KCNK10: variants seen among roughly 807,000 people sequenced by gnomAD.
KCNK10 encodes potassium two pore domain channel subfamily K member 10.
In KCNK10, 25 loss-of-function variants were observed where a neutral mutation model predicts 47.7. That is an observed-to-expected ratio of 0.52 (90% CI 0.38 to 0.73). The LOEUF (loss-of-function observed/expected upper bound fraction) is 0.73, where lower values mean the gene tolerates loss of function less well. KCNK10 is among the 30% of genes least tolerant of loss of function. The pLI is 0.00. For missense variants in KCNK10, 563 were observed against 714.5 expected (o/e 0.79, Z 2.42); for synonymous variants, 303 against 285.6 (o/e 1.06, Z -0.61).
intron 1 of KCNK10, among the ~76,000 whole-genome samples, chr14:88,277,411 C>A (rs1279714670): frequency 6.6e-6 from 1 of 152,192 alleles, no homozygotes; most frequent in Admixed American, 6.5e-5. Flanking sequence ...ACATCAGCAA[C>A]ATTTCTGTGA....
chr14:88,192,768 C>T (rs1032193637), intron 4 of KCNK10, among the ~76,000 whole-genome samples: 63 of 152,226 alleles, frequency 4.1e-4, no homozygotes, highest in African/African-American at 1.5e-3. Context: ...CCCAAAAATG[C>T]TACCATTTGT....
chr14:88,305,324 TA>T (rs900530715), intron 1 of KCNK10, among the ~76,000 whole-genome samples: 3 of 152,164 alleles, frequency 2.0e-5, no homozygotes, highest in African/African-American at 7.2e-5. Context: ...AGCAACTTTA[TA>T]AAACACAAGA....
chr14:88,197,572 TAAAAAAAAAAAAAAAAAAAAAAAAAA>T (rs71417717), intron 4 of KCNK10, among the ~76,000 whole-genome samples: 2 of 17,142 alleles, frequency 1.2e-4, no homozygotes, highest in East Asian at 2.4e-3. Flanking sequence ...AGACTCCGAC[TAAAAAAAAAAAAAAAAAAAAAAAAAA>T]AAAAAAAAAA....
intron 1 of KCNK10, among the ~76,000 whole-genome samples, chr14:88,298,566 A>C (rs1324875212): frequency 6.6e-6 from 1 of 152,186 alleles, no homozygotes; most frequent in Admixed American, 6.5e-5. Context: ...GTGGGTCCTC[A>C]GCCCTCTCAG....
intron 5 of KCNK10, 145 bp from the exon 6 acceptor site, chr14:88,188,254 G>T: frequency 1.0e-6 from 1 of 964,532 alleles, no homozygotes; most frequent in Non-Finnish European, 1.6e-6. Context: ...GTGGACCGGG[G>T]TTAGAGGGCA....
chr14:88,250,417 A>G (rs1370870256), intron 2 of KCNK10, among the ~76,000 whole-genome samples: 3 of 152,170 alleles, frequency 2.0e-5, no homozygotes, highest in Non-Finnish European at 4.4e-5. Flanking sequence ...ACTTCAACTC[A>G]GAGTTGTGCC....
In KCNK10 at chr14:88,184,339, T is replaced by C. The variant is rs1042057250; in HGVS notation, c.*1196A>G. 6.6e-6 allele frequency: 1 copy of C among 152,274 alleles called. No individual in the cohort carries two copies. Among genetic ancestry groups the C allele is most frequent in the East Asian group, 1.9e-4 (1 of 5,300 alleles). 9.4% of individuals were successfully genotyped at this position (152,274 alleles called of 1,614,324 possible). A position where few individuals can be genotyped will look rare whatever the true frequency, so the allele number is the denominator to read the frequency against. On this transcript the variant is annotated 3_prime_UTR_variant, in exon 7 of 7. Transcript: ENST00000319231. ...GGAATGCCCAAACATAAAAGTAAAA[T>C]GAAATATTTTAAATATTTCTAAGTA...
At chr14:88,285,654 AACTTAGGTTAAGATT>A (rs1161996929) in intron 1 of KCNK10, among the ~76,000 whole-genome samples, 2 of 152,196 alleles carry the variant, frequency 1.3e-5, no homozygotes, top group Admixed American at 1.3e-4. Context: ...ATTTTAATAC[AACTTAGGTTAAGATT>A]ACTCAGGTTC....
rs1239665841 is a variant in KCNK10, at chr14:88,183,116, C to T, written c.*2419G>A. ...ACACTGTAGTGAAGTTGAAAGCAGA[C>T]TTTGGTCAGACTTTGAATACCAGCT... On this transcript the variant is annotated 3_prime_UTR_variant, in exon 7 of 7. Transcript: ENST00000319231. 3 of 152,398 alleles carry T rather than the reference C, an allele frequency of 2.0e-5. No homozygotes were observed. The East Asian group carries it at 5.7e-4, about 29-fold the overall frequency. 9.4% of individuals were successfully genotyped at this position (152,398 alleles called of 1,614,324 possible). A position where few individuals can be genotyped will look rare whatever the true frequency, so the allele number is the denominator to read the frequency against.
chr14:88,185,727 GGTCTT>G lies in KCNK10; in HGVS notation c.1435_1439del (p.Lys479LeufsTer20). The G allele has an allele frequency of 6.2e-7, 1 of 1,614,140 alleles. No homozygotes were observed. The highest frequency in any genetic ancestry group is 1.6e-4 in the Middle Eastern group (1 of 6,062). On this transcript the variant is annotated frameshift_variant, in exon 7 of 7. Coordinates refer to ENST00000319231, the MANE Select transcript of KCNK10 (RefSeq NM_138317.3). LOFTEE classifies it high-confidence loss of function. This position sits in a 1 kb window ranked among gnomAD's most constrained non-coding sequence, Gnocchi z 4.3. ...CCTCGTCCAGGGAGTAATTCCGGAA[GGTCTT>G]GTAGATTTTCTGAACGTCCTCGGGC...
chr14:88,289,160 G>A (rs1295128639), intron 1 of KCNK10, among the ~76,000 whole-genome samples: 1 of 152,076 alleles, frequency 6.6e-6, no homozygotes, highest in Non-Finnish European at 1.5e-5. Flanking sequence ...TTCCCTAAAG[G>A]AAATCCTGGA....
At chr14:88,321,832 C>T (rs954258497) in intron 1 of KCNK10, among the ~76,000 whole-genome samples, 5 of 152,224 alleles carry the variant, frequency 3.3e-5, no homozygotes, top group African/African-American at 9.6e-5. Flanking sequence ...CGTTGCCTAG[C>T]CTGACACAGT....
upstream of KCNK10, chr14:88,326,624 G>T (rs1779152092): frequency 5.0e-6 from 3 of 600,954 alleles, no homozygotes; most frequent in Non-Finnish European, 8.7e-6. Flanking sequence ...CCGGCCCCCA[G>T]CAGGAGACCC....
intron 1 of KCNK10, among the ~76,000 whole-genome samples, chr14:88,298,264 A>G (rs1401656786): frequency 6.6e-6 from 1 of 152,158 alleles, no homozygotes; most frequent in Non-Finnish European, 1.5e-5. Context: ...CAACCTCTGC[A>G]CCTCTCCAGC....
chr14:88,323,340 C>A (rs1888593421), upstream of KCNK10: 1 of 964,262 alleles, frequency 1.0e-6, no homozygotes. Flanking sequence ...CTCCTCGCCC[C>A]CGGCGACGCC....
intron 1 of KCNK10, among the ~76,000 whole-genome samples, chr14:88,282,293 T>G: frequency 6.6e-6 from 1 of 152,224 alleles, no homozygotes; most frequent in East Asian, 1.9e-4. Context: ...CCAGCATGCA[T>G]CCAGCTCTAA....
intron 2 of KCNK10, among the ~76,000 whole-genome samples, chr14:88,244,930 A>G (rs1219067735): frequency 6.6e-6 from 1 of 152,212 alleles, no homozygotes; most frequent in African/African-American, 2.4e-5. Flanking sequence ...ACAGGCAGAT[A>G]ATTCAATAGA....
intron 3 of KCNK10, among the ~76,000 whole-genome samples, chr14:88,240,172 T>C (rs542906631): frequency 6.6e-6 from 1 of 152,240 alleles, no homozygotes; most frequent in East Asian, 1.9e-4. Flanking sequence ...ACTCCTCATC[T>C]TCCACAATGG....
intron 2 of KCNK10, among the ~76,000 whole-genome samples, chr14:88,255,050 G>A (rs564513959): frequency 2.6e-4 from 39 of 152,242 alleles, no homozygotes; most frequent in African/African-American, 8.7e-4. Context: ...CTGATATAAC[G>A]TCCATGATCA....
Sources: gnomAD v4.1 joint callset for allele counts (sites outside exome capture counted in the v4.1 genomes callset) on GRCh38, gnomAD v4.1.1 for gene constraint, Gnocchi (gnomAD v3.1) non-coding constraint, MANE v1.5 for transcripts, NCBI Gene and HGNC (gene_info 2026-07-23, HGNC 2026-07-21) for gene names.